ZFYVE21: variants seen among roughly 807,000 people sequenced by gnomAD.
ZFYVE21 encodes zinc finger FYVE-type containing 21, also known as zinc finger FYVE domain-containing protein 21.
Under a neutral mutation model 29.5 loss-of-function variants are expected in ZFYVE21, and 21 were observed. The ratio of observed to expected loss-of-function variants is 0.71; its 90% confidence interval spans 0.50 to 1.02. The LOEUF is 1.02. Ranked by LOEUF, ZFYVE21 falls within the 50% of genes least tolerant of loss-of-function variation. The pLI is 0.00. For synonymous variants in ZFYVE21, 151 were observed against 133.8 expected (o/e 1.13, Z -0.89); for missense variants, 326 against 335.4 (o/e 0.97, Z 0.22).
In ZFYVE21 at chr14:103,727,706, CCTGCCCCTCCTCA is replaced by C. The variant is rs1487840515; in HGVS notation, c.190-34_190-22del. The stretch of plus-strand genomic sequence containing the variant: ...GGGCCACACCCGGGGCCGCTTGTTC[CCTGCCCCTCCTCA>C]CTGCCAATCCTCCCGCATCTGCCCA... On this transcript the variant is annotated intron_variant, in intron 2 of 6. Transcript: ENST00000311141. 1.9e-6 allele frequency: 3 copies of C among 1,594,306 alleles called. No individual in the cohort carries two copies. The African/African-American group carries it at 4.0e-5, about 21-fold the overall frequency.
chr14:103,729,774 G>A (rs996494560), intron 5 of ZFYVE21: 2 of 1,536,478 alleles, frequency 1.3e-6, no homozygotes, highest in Non-Finnish European at 8.7e-7. Flanking sequence ...GCCACTGCCT[G>A]CCCACCTTCT....
chr14:103,724,776 A>T (rs2083904875), intron 1 of ZFYVE21: 1 of 152,084 alleles, frequency 6.6e-6, no homozygotes, highest in Non-Finnish European at 1.5e-5. Flanking sequence ...TTTCTGGTTC[A>T]CCACCCGCCA....
rs1233148565 is a variant in ZFYVE21 at position 103,729,796 on chromosome 14, AAG to A, written c.526+616_526+617del. On this transcript the variant is annotated intron_variant, in intron 5 of 6. Coordinates refer to ENST00000311141, the MANE Select transcript of ZFYVE21 (RefSeq NM_024071.4). ...CCTGCCCACCTTCTTGCCATAGAAAAAGACATTCACGCTTACACCAGCCTCCG... is the reference window on the plus strand; with the variant it reads ...CCTGCCCACCTTCTTGCCATAGAAAAACATTCACGCTTACACCAGCCTCCG... The A allele has an allele frequency of 3.9e-6, 6 of 1,536,478 alleles. No individual in the cohort carries two copies. In the East Asian group the frequency reaches 1.5e-4, roughly 38 times the overall value.
rs370596979 is a variant in ZFYVE21 at position 103,732,617 on chromosome 14, C to T, written c.527-3C>T. 6.4e-7 allele frequency: 1 copy of T among 1,567,838 alleles called. No homozygotes were observed. Among genetic ancestry groups the T allele is most frequent in the Non-Finnish European group, 8.6e-7 (1 of 1,159,608 alleles). On this transcript the variant is annotated splice_region_variant and splice_polypyrimidine_tract_variant and intron_variant, in intron 5 of 6. Transcript: ENST00000311141. ...GCCGTCTTACCTCGTCTCTCTCCTC[C>T]AGGAGGCAACGCACGGGCCACAGGC...
intron 1 of ZFYVE21, among the ~76,000 whole-genome samples, chr14:103,721,753 A>G (rs906757420): frequency 1.3e-5 from 2 of 151,882 alleles, no homozygotes; most frequent in African/African-American, 4.8e-5. Flanking sequence ...CTCACTAAAC[A>G]CCTTTATTAT....
chr14:103,731,463 G>C (rs2083973245), intron 5 of ZFYVE21: 1 of 149,722 alleles, frequency 6.7e-6, no homozygotes, highest in Non-Finnish European at 1.5e-5. Flanking sequence ...AAAAAAAATA[G>C]CTGGGCGTAG....
At position 103,727,894 on chromosome 14, in the gene ZFYVE21, A is replaced by G; in HGVS notation, c.338A>G (p.Gln113Arg). 1 of 1,612,602 alleles carries G rather than the reference A, an allele frequency of 6.2e-7. No homozygotes were observed. The highest frequency in any genetic ancestry group is 8.5e-7 in the Non-Finnish European group (1 of 1,179,424). The change falls in exon 3 of 7, where the codon CAG becomes CGG. Residue 113 changes from glutamine (Q) to arginine (R), a missense_variant. Transcript: ENST00000311141. The stretch of plus-strand genomic sequence containing the variant: ...AAGGAGGCGGAGTTCTACGACAAGC[A>G]GCTCAAAGTGCTCCTGAGCGGTAAG... Reference protein sequence around the residue: ...SLKEAEFYDKQLKVLLSGATF... With the variant: ...SLKEAEFYDKRLKVLLSGATF...
rs1353379686 is a variant in ZFYVE21 at position 103,727,768 on chromosome 14, A to G, written c.212A>G (p.Lys71Arg). Residue 71 changes from lysine to arginine, a missense_variant, in exon 3 of 7, where the codon AAG becomes AGG. Transcript: ENST00000311141. ...TRKHHCRRCGKCFCDRCCSQK... is the reference protein window; with the variant it reads ...TRKHHCRRCGRCFCDRCCSQK... Reference sequence around the variant, plus strand: ...CAGCACCACTGTCGCCGCTGCGGGAAGTGCTTCTGCGACAGGTGCTGCAGC... The same window carrying G: ...CAGCACCACTGTCGCCGCTGCGGGAGGTGCTTCTGCGACAGGTGCTGCAGC... 6.2e-7 allele frequency: 1 copy of G among 1,610,236 alleles called. No homozygotes were observed. Among genetic ancestry groups the G allele is most frequent in the Non-Finnish European group, 8.5e-7 (1 of 1,179,724 alleles).
At chr14:103,729,271 G>C in intron 5 of ZFYVE21, 89 bp downstream of exon 5, 1 of 1,381,704 alleles carries the variant, frequency 7.2e-7, no homozygotes, top group South Asian at 1.2e-5. Context: ...GGATCAGGCA[G>C]CTGCCCTGAG....
At chr14:103,727,699 C>G (rs2083941078) in intron 2 of ZFYVE21, 47 bp from the exon 3 acceptor site, 1 of 1,592,744 alleles carries the variant, frequency 6.3e-7, no homozygotes, top group Admixed American at 1.7e-5. Context: ...CCCGGGGCCG[C>G]TTGTTCCCTG....
chr14:103,729,653 C>A, intron 5 of ZFYVE21: 2 of 1,092,666 alleles, frequency 1.8e-6, no homozygotes, highest in Non-Finnish European at 2.6e-6. Flanking sequence ...CTAAACTCTG[C>A]TGACGGGGAG....
chr14:103,717,098 G>T (rs2083830214), intron 1 of ZFYVE21, among the ~76,000 whole-genome samples: 1 of 152,150 alleles, frequency 6.6e-6, no homozygotes, highest in African/African-American at 2.4e-5. Context: ...CGGCCACAGA[G>T]CCTCGGGGAC....
chr14:103,727,529 T>G, intron 2 of ZFYVE21: 1 of 702,372 alleles, frequency 1.4e-6, no homozygotes, highest in African/African-American at 1.7e-5. Flanking sequence ...TTTTGATCCA[T>G]GATTTTGAAA....
At chr14:103,726,981 T>C (rs960845222) in intron 2 of ZFYVE21, 139 bp downstream of exon 2, 9 of 730,526 alleles carry the variant, frequency 1.2e-5, no homozygotes, top group Non-Finnish European at 1.8e-5. Flanking sequence ...GTTTCGCTCT[T>C]GTCGCCCAGG....
At position 103,721,408 on chromosome 14, in the gene ZFYVE21, C is replaced by T. The variant is rs2083871439; in HGVS notation, c.139-5384C>T. ...TCCCTTGAGACAGCTCCTTCTGTGT[C>T]CATATAGCTTCCCGCCGAGCCTGTG... On this transcript the variant is annotated intron_variant, in intron 1 of 6. Transcript: ENST00000311141. Among the ~76,000 whole-genome samples, 3 of 152,364 alleles carry T rather than the reference C, an allele frequency of 2.0e-5. No individual in the cohort carries two copies. In the South Asian group the frequency reaches 6.2e-4, roughly 32 times the overall value.
At chr14:103,729,679 C>G in intron 5 of ZFYVE21, 1 of 1,327,518 alleles carries the variant, frequency 7.5e-7, no homozygotes, top group South Asian at 1.3e-5. Context: ...ATCCCGTTAT[C>G]TGCAAACTGT....
Position 103,729,659 on chromosome 14 carries a change from G to T in ZFYVE21, c.526+477G>T, listed in dbSNP as rs570087958. ...GCCTCTCCACTAAACTCTGCTGACG[G>T]GGAGCTCGCATCCCGTTATCTGCAA... On this transcript the variant is annotated intron_variant, in intron 5 of 6. Transcript: ENST00000311141. 1.7e-3 allele frequency: 1,871 copies of T among 1,132,368 alleles called. 7 individuals are homozygous for T. The highest frequency in any genetic ancestry group is 2.3e-3 in the South Asian group (152 of 66,362). 70.1% of individuals were successfully genotyped at this position (1,132,368 alleles called of 1,614,324 possible).
chr14:103,721,602 G>T (rs2083873321), intron 1 of ZFYVE21, among the ~76,000 whole-genome samples: 1 of 152,210 alleles, frequency 6.6e-6, no homozygotes, highest in Non-Finnish European at 1.5e-5. Flanking sequence ...TCTGTCATTA[G>T]CGGGTTTATC....
chr14:103,718,787 A>G lies in ZFYVE21; in HGVS notation c.138+2808A>G, dbSNP rs567932544. ...CCCACCTCCCATCCGTGGTGCTGGC[A>G]GAAGAATGACCGCAGCTCCATGCTG... On this transcript the variant is annotated intron_variant, in intron 1 of 6. Transcript: ENST00000311141. 1.9e-4 allele frequency among the ~76,000 whole-genome samples: 29 copies of G among 152,346 alleles called. No homozygotes were observed. The South Asian group carries it at 4.3e-3, about 23-fold the overall frequency.
Sources: gnomAD v4.1 joint callset for allele counts (sites outside exome capture counted in the v4.1 genomes callset) on GRCh38, gnomAD v4.1.1 for gene constraint, MANE v1.5 for transcripts, NCBI Gene and HGNC (gene_info 2026-07-23, HGNC 2026-07-21) for gene names.